The following C1QTNF3 variants were observed in gnomAD, a reference collection of about 807,000 sequenced individuals.
C1QTNF3 encodes the protein complement C1q tumor necrosis factor-related protein 3.
A neutral mutation model predicts 32.6 loss-of-function variants in C1QTNF3; 26 were observed. The ratio of observed to expected loss-of-function variants is 0.80; its 90% CI spans 0.58 to 1.11. The LOEUF (loss-of-function observed/expected upper bound fraction) is 1.11, where lower values mean the gene tolerates loss of function less well. Ranked by LOEUF, C1QTNF3 falls within the 50% of genes least tolerant of loss-of-function variation. The pLI is 0.00. For synonymous variants in C1QTNF3, 155 were observed against 146.0 expected, an observed-to-expected ratio of 1.06 and a Z score of -0.44; for missense variants, 362 against 398.2, an observed-to-expected ratio of 0.91 and a Z score of 0.77.
chr5:34,055,484 G>T, the C1QTNF3 span, among the ~76,000 whole-genome samples: 1 of 152,222 alleles, frequency 6.6e-6, no homozygotes, highest in Admixed American at 6.5e-5. Context: ...GTTGACCTCT[G>T]TGTGAAACAT....
At chr5:34,211,802 T>C in the C1QTNF3 span, among the ~76,000 whole-genome samples, 7 of 150,744 alleles carry the variant, frequency 4.6e-5, no homozygotes, top group South Asian at 2.1e-4. Context: ...TGTTGGACAT[T>C]TGGATTGGTT....
At chr5:34,116,079 A>G in the C1QTNF3 span, among the ~76,000 whole-genome samples, 1 of 152,142 alleles carries the variant, frequency 6.6e-6, no homozygotes. Flanking sequence ...TGTACATTAT[A>G]TTCATCTCAA....
chr5:34,195,827 G>A, the C1QTNF3 span, among the ~76,000 whole-genome samples: 10 of 150,490 alleles, frequency 6.6e-5, no homozygotes, highest in African/African-American at 1.7e-4. Context: ...GTGACAGAGC[G>A]AGACTCTGTC....
chr5:34,068,657 ATAAG>A, the C1QTNF3 span, among the ~76,000 whole-genome samples: 1 of 152,184 alleles, frequency 6.6e-6, no homozygotes, highest in Non-Finnish European at 1.5e-5. Context: ...TTTGTCATAC[ATAAG>A]TAATAGTATG....
the C1QTNF3 span, among the ~76,000 whole-genome samples, chr5:34,215,776 G>GA: frequency 6.6e-6 from 1 of 152,064 alleles, no homozygotes; most frequent in African/African-American, 2.4e-5. Flanking sequence ...GATACCACAG[G>GA]AACATGCCAC....
At chr5:34,058,635 G>C in the C1QTNF3 span, among the ~76,000 whole-genome samples, 7 of 152,148 alleles carry the variant, frequency 4.6e-5, no homozygotes, top group African/African-American at 1.7e-4. Context: ...CAAGGAGGAG[G>C]CAGAAATGTT....
the C1QTNF3 span, among the ~76,000 whole-genome samples, chr5:34,163,318 A>T: frequency 6.6e-6 from 1 of 152,256 alleles, no homozygotes; most frequent in African/African-American, 2.4e-5. Flanking sequence ...CTTCGCATGT[A>T]CCCGCAAACC....
At chr5:34,144,134 A>G in the C1QTNF3 span, among the ~76,000 whole-genome samples, 1,057 of 152,316 alleles carry the variant, frequency 6.9e-3, 14 homozygotes, top group African/African-American at 0.024. Flanking sequence ...TTCTTGTATC[A>G]GATAAAACAG....
the C1QTNF3 span, among the ~76,000 whole-genome samples, chr5:34,054,756 AT>A: frequency 5.3e-5 from 8 of 151,788 alleles, no homozygotes; most frequent in East Asian, 5.8e-4. Flanking sequence ...AGGAATCTGT[AT>A]TTTTTTTACC....
chr5:34,145,208 T>C, the C1QTNF3 span, among the ~76,000 whole-genome samples: 3 of 152,176 alleles, frequency 2.0e-5, no homozygotes, highest in South Asian at 4.1e-4. Context: ...ATACAAAAGA[T>C]ACATGAAACC....
chr5:34,129,687 C>A, the C1QTNF3 span, among the ~76,000 whole-genome samples: 1 of 151,796 alleles, frequency 6.6e-6, no homozygotes, highest in Non-Finnish European at 1.5e-5. Context: ...CTGAATGAAC[C>A]TTTCTTTAAA....
At chr5:34,213,821 T>TG in the C1QTNF3 span, among the ~76,000 whole-genome samples, 2 of 11,218 alleles carry the variant, frequency 1.8e-4, no homozygotes, top group African/African-American at 3.9e-4. Flanking sequence ...TTTTTTTTTT[T>TG]TGTGTGTGTG....
At chr5:34,146,271 A>T in the C1QTNF3 span, among the ~76,000 whole-genome samples, 1 of 152,244 alleles carries the variant, frequency 6.6e-6, no homozygotes, top group Non-Finnish European at 1.5e-5. Context: ...AAAAATAGCC[A>T]TAATGCCCAA....
At chr5:34,049,438 T>C in the C1QTNF3 span, among the ~76,000 whole-genome samples, 1 of 152,156 alleles carries the variant, frequency 6.6e-6, no homozygotes, top group Admixed American at 6.5e-5. Flanking sequence ...CTTCTGTAGA[T>C]GGAAGTCAAA....
chr5:34,060,950 A>G, the C1QTNF3 span, among the ~76,000 whole-genome samples: 1 of 152,160 alleles, frequency 6.6e-6, no homozygotes, highest in South Asian at 2.1e-4. Context: ...CATTAACTCA[A>G]AAATCCACAG....
the C1QTNF3 span, among the ~76,000 whole-genome samples, chr5:34,100,544 T>C: frequency 6.6e-6 from 1 of 151,814 alleles, no homozygotes; most frequent in Admixed American, 6.6e-5. Context: ...TGTAATAACA[T>C]AATTTATTAA....
chr5:34,237,088 T>C, the C1QTNF3 span, among the ~76,000 whole-genome samples: 3 of 152,192 alleles, frequency 2.0e-5, no homozygotes, highest in Non-Finnish European at 4.4e-5. Flanking sequence ...TAGAGAATGA[T>C]TGAAGGTTAT....
the C1QTNF3 span, among the ~76,000 whole-genome samples, chr5:34,052,015 G>A: frequency 1.3e-5 from 2 of 152,208 alleles, no homozygotes; most frequent in Non-Finnish European, 2.9e-5. Context: ...GCAGGCGCCT[G>A]TAATCCCAGC....
chr5:34,081,791 C>T, the C1QTNF3 span, among the ~76,000 whole-genome samples: 1 of 151,448 alleles, frequency 6.6e-6, no homozygotes, highest in African/African-American at 2.4e-5. Flanking sequence ...AGGATGCTAG[C>T]TTTAATGAAG....
Sources: gnomAD v4.1 joint callset for allele counts (sites outside exome capture counted in the v4.1 genomes callset) on GRCh38, gnomAD v4.1.1 for gene constraint, MANE v1.5 for transcripts, NCBI Gene and HGNC (gene_info 2026-07-23, HGNC 2026-07-21) for gene names.